The following DENND5A variants were observed in gnomAD, a reference collection of about 807,000 sequenced individuals.
DENND5A encodes the protein DENN domain containing 5A, also known as DENN domain-containing protein 5A.
DENND5A carries 64 observed loss-of-function variants against 140.3 expected under a neutral mutation model. The ratio of observed to expected loss-of-function variants is 0.46; its 90% CI spans 0.37 to 0.56. DENND5A has a LOEUF of 0.56. Ranked by LOEUF, DENND5A falls within the 20% of genes least tolerant of loss-of-function variation. The pLI, the probability that DENND5A is intolerant of heterozygous loss-of-function variation, is 0.00. For missense variants in DENND5A, 1,292 were observed against 1,593.8 expected (o/e 0.81, Z 3.22); for synonymous variants, 605 against 607.7 (o/e 1.00, Z 0.07).
intron 8 of DENND5A, among the ~76,000 whole-genome samples, chr11:9,172,549 T>C (rs1848405722): frequency 6.6e-6 from 1 of 152,188 alleles, no homozygotes; most frequent in African/African-American, 2.4e-5. Flanking sequence ...CCTCATGCTA[T>C]TCTCGCGATA....
At position 9,265,044 on chromosome 11, in the gene DENND5A, C is replaced by T. The variant is rs564829495; in HGVS notation, c.26G>A (p.Gly9Asp). The change falls in exon 1 of 23, where the codon GGC becomes GAC. Residue 9 changes from glycine to aspartate, a missense_variant. Gly to Asp is a moderately conservative substitution (Grantham distance 94). Transcript: ENST00000328194. This position sits in a 1 kb window ranked among gnomAD's most constrained non-coding sequence, Gnocchi z 4.7. MSGGGGGG[G>D]SAPSRFADYF... is the part of the protein sequence containing the mutation. The stretch of plus-strand genomic sequence containing the variant: ...GTCGGCGAAGCGACTGGGCGCCGAG[C>T]CCCCTCCGCCGCCGCCGCCACTCAT... 5 of 1,556,308 alleles carry T rather than the reference C, an allele frequency of 3.2e-6. No individual in the cohort carries two copies. Among genetic ancestry groups the T allele is most frequent in the Admixed American group, 1.8e-5 (1 of 54,082 alleles).
chr11:9,240,383 G>A (rs1851184739), intron 1 of DENND5A, among the ~76,000 whole-genome samples: 2 of 152,062 alleles, frequency 1.3e-5, no homozygotes, highest in South Asian at 4.2e-4. Flanking sequence ...CGACAAGAGT[G>A]AAAACTCCGT....
At position 9,158,242 on chromosome 11, in the gene DENND5A, G is replaced by A. The variant is rs1040200023; in HGVS notation, c.2436+2471C>T. Among the ~76,000 whole-genome samples, 4 of 152,096 alleles carry A rather than the reference G, an allele frequency of 2.6e-5. No homozygotes were observed. The East Asian group carries it at 5.8e-4, about 22-fold the overall frequency. ...TCCACACAAGGACCCAATGGATGTGGGTACTTTTAAAATTCCATCAGGCAG... is the reference window on the plus strand; with the variant it reads ...TCCACACAAGGACCCAATGGATGTGAGTACTTTTAAAATTCCATCAGGCAG... On this transcript the variant is annotated intron_variant, in intron 12 of 22. Transcript: ENST00000328194.
At chr11:9,183,165 T>G (rs574794698) in intron 5 of DENND5A, among the ~76,000 whole-genome samples, 194 of 152,320 alleles carry the variant, frequency 1.3e-3, no homozygotes, top group Admixed American at 4.0e-3. Flanking sequence ...TATATTTATC[T>G]TATACTCATG....
In DENND5A at chr11:9,145,809, G is replaced by T. The variant is rs375787613; in HGVS notation, c.2864C>A (p.Pro955Gln). The T allele has an allele frequency of 1.4e-5, 23 of 1,614,036 alleles. No homozygotes were observed. Among genetic ancestry groups the T allele is most frequent in the Non-Finnish European group, 1.9e-5 (23 of 1,180,018 alleles). ...GCTTGGTACGATCAGAATGTGGTAC[G>T]GGATCACTGTTTAGGGGAAGCCACA... ...FTNVFTTILI[P>Q]YHILIVPSKK... The change falls in exon 17 of 23, where the codon CCG becomes CAG. Residue 955 changes from proline (P) to glutamine (Q), a missense_variant. Physicochemically the swap from Pro to Gln is moderately conservative, Grantham distance 76. Transcript: ENST00000328194.
At chr11:9,206,869 A>G (rs1849708105) in intron 2 of DENND5A, 87 bp from the exon 3 acceptor site, 4 of 971,376 alleles carry the variant, frequency 4.1e-6, no homozygotes, top group Non-Finnish European at 6.5e-6. Context: ...TAGTCCAGCA[A>G]GGTACAGAAA....
Position 9,160,815 on chromosome 11 carries a change from C to A in DENND5A, c.2334G>T (p.Gly778=). Residue 778 remains glycine, a synonymous_variant, in exon 12 of 23, where the codon GGG becomes GGT. Transcript: ENST00000328194. ...EKMGREAVEL[G]HGEVNITGVE... Reference sequence around the variant, plus strand: ...CCCCTGTGATGTTCACCTCCCCATGCCCTAGCTCCACAGCTTCTCGGCCCA... The same window carrying A: ...CCCCTGTGATGTTCACCTCCCCATGACCTAGCTCCACAGCTTCTCGGCCCA... The A allele has an allele frequency of 6.2e-7, 1 of 1,614,158 alleles. No individual in the cohort carries two copies.
intron 5 of DENND5A, among the ~76,000 whole-genome samples, chr11:9,187,388 G>A (rs945326850): frequency 6.6e-6 from 1 of 152,126 alleles, no homozygotes; most frequent in African/African-American, 2.4e-5. Flanking sequence ...TTGTTGAGAG[G>A]GATGATGGGT....
At chr11:9,233,893 A>G (rs1438172787) in intron 1 of DENND5A, among the ~76,000 whole-genome samples, 1 of 152,148 alleles carries the variant, frequency 6.6e-6, no homozygotes, top group East Asian at 1.9e-4. Context: ...GTAAACTAAT[A>G]TAGGCTGGGT....
At chr11:9,264,028 A>G (rs1852333200) in intron 1 of DENND5A, among the ~76,000 whole-genome samples, 4 of 152,142 alleles carry the variant, frequency 2.6e-5, no homozygotes, top group Admixed American at 6.6e-5. Flanking sequence ...ACACAACCTT[A>G]AAGTACAACC....
chr11:9,234,448 A>T (rs1311268196), intron 1 of DENND5A, among the ~76,000 whole-genome samples: 5 of 152,174 alleles, frequency 3.3e-5, no homozygotes. Context: ...TTAAAACACG[A>T]CGACAGCAAA....
intron 4 of DENND5A, among the ~76,000 whole-genome samples, chr11:9,194,152 AC>A (rs1472889441): frequency 6.6e-6 from 1 of 152,258 alleles, no homozygotes; most frequent in Non-Finnish European, 1.5e-5. Flanking sequence ...AAAGTCAAGC[AC>A]AAAGAACCAC....
chr11:9,213,769 T>C (rs527868287), intron 1 of DENND5A, among the ~76,000 whole-genome samples: 1 of 115,728 alleles, frequency 8.6e-6, no homozygotes, highest in East Asian at 2.8e-4. Flanking sequence ...ATTGCACCAC[T>C]GCACTCCAGC....
rs1484952360 is a variant in DENND5A at position 9,181,073 on chromosome 11, G to A, written c.1149C>T (p.Cys383=). 1.2e-6 allele frequency: 2 copies of A among 1,613,214 alleles called. No individual in the cohort carries two copies. Among genetic ancestry groups the A allele is most frequent in the African/African-American group, 1.3e-5 (1 of 74,904 alleles). ...KLELPQEANL[C]FVDIDNHFIE... ...TGAAGTGGTTGTCAATGTCCACAAAGCAGAGGTTAGCCTGGAAGTCAAAAC... is the reference window on the plus strand; with the variant it reads ...TGAAGTGGTTGTCAATGTCCACAAAACAGAGGTTAGCCTGGAAGTCAAAAC... Residue 383 remains cysteine (C), a synonymous_variant, in exon 6 of 23, where the codon TGC becomes TGT. Transcript: ENST00000328194.
chr11:9,199,146 T>C (rs1849440314), intron 4 of DENND5A, among the ~76,000 whole-genome samples: 1 of 151,722 alleles, frequency 6.6e-6, no homozygotes, highest in African/African-American at 2.4e-5. Flanking sequence ...ACTTTTTTGG[T>C]TTCCAATCAA....
At chr11:9,240,845 C>CCA (rs1851206164) in intron 1 of DENND5A, among the ~76,000 whole-genome samples, 1 of 152,138 alleles carries the variant, frequency 6.6e-6, no homozygotes, top group Non-Finnish European at 1.5e-5. Context: ...AGGCAACTAC[C>CCA]CATGACAGGA....
rs1050102219 is a variant in DENND5A, at chr11:9,244,455, C to T, written c.109+20506G>A. 5.9e-5 allele frequency among the ~76,000 whole-genome samples: 9 copies of T among 152,142 alleles called. No homozygotes were observed. In the South Asian group the frequency reaches 1.2e-3, roughly 21 times the overall value. ...TGTGATCTCAGCTCACCGCAACCTC[C>T]GCCTCCCAGGTTCAAGTGATTCTCC... On this transcript the variant is annotated intron_variant, in intron 1 of 22. Transcript: ENST00000328194.
chr11:9,218,033 T>C (rs1280148885), intron 1 of DENND5A, among the ~76,000 whole-genome samples: 2 of 152,048 alleles, frequency 1.3e-5, no homozygotes, highest in Non-Finnish European at 2.9e-5. Context: ...TGGGTAGAGA[T>C]TGTTTGAGTC....
chr11:9,217,557 T>C (rs1458456003), intron 1 of DENND5A, among the ~76,000 whole-genome samples: 3 of 152,130 alleles, frequency 2.0e-5, no homozygotes, highest in African/African-American at 7.2e-5. Context: ...GGCCTACGTA[T>C]GGAGACAGAA....
Sources: allele counts gnomAD v4.1 joint callset (sites outside exome capture counted in the v4.1 genomes callset), GRCh38; gene constraint gnomAD v4.1.1; non-coding constraint Gnocchi (gnomAD v3.1); transcripts MANE v1.5; gene names NCBI Gene and HGNC (gene_info 2026-07-23, HGNC 2026-07-21).